RPTOR: variants seen among roughly 807,000 people sequenced by gnomAD.
RPTOR encodes the protein regulatory-associated protein of mTOR.
In RPTOR, 21 loss-of-function variants were observed where a neutral mutation model predicts 169.9. The observed-to-expected ratio is 0.12, with a 90% CI of 0.09 to 0.18. The LOEUF (loss-of-function observed/expected upper bound fraction) is 0.18. RPTOR is among the 10% of genes least tolerant of loss of function. The pLI, the probability that RPTOR is intolerant of heterozygous loss-of-function variation, is 1.00. For synonymous variants in RPTOR, 732 were observed against 753.2 expected (o/e 0.97, Z 0.46); for missense variants, 1,133 against 1,855.9 (o/e 0.61, Z 7.16).
intron 24 of RPTOR, among the ~76,000 whole-genome samples, chr17:80,938,785 G>C (rs1175950566): frequency 6.6e-6 from 1 of 152,188 alleles, no homozygotes; most frequent in Non-Finnish European, 1.5e-5. Context: ...CCACCCATGA[G>C]CACGGGGTCA....
At chr17:80,830,648 G>C (rs1360247134) in intron 9 of RPTOR, among the ~76,000 whole-genome samples, 1 of 152,158 alleles carries the variant, frequency 6.6e-6, no homozygotes, top group Non-Finnish European at 1.5e-5. Flanking sequence ...CAGGTGCGCT[G>C]CTCCAGTGGC....
At chr17:80,741,948 C>G (rs1191669030) in intron 5 of RPTOR, among the ~76,000 whole-genome samples, 2 of 152,146 alleles carry the variant, frequency 1.3e-5, no homozygotes, top group African/African-American at 4.8e-5. Context: ...TCAGGAAAAG[C>G]CTCAGGAAAG....
intron 9 of RPTOR, among the ~76,000 whole-genome samples, chr17:80,828,004 G>A (rs114501419): frequency 0.017 from 2,636 of 152,308 alleles, 78 homozygotes; most frequent in African/African-American, 0.061. Context: ...ACTTAGCGGC[G>A]TACGTGCTGA....
chr17:80,727,489 C>G (rs1567877975), intron 4 of RPTOR, among the ~76,000 whole-genome samples: 1 of 152,036 alleles, frequency 6.6e-6, no homozygotes, highest in African/African-American at 2.4e-5. Flanking sequence ...CGCTGCACCT[C>G]TGACCACATC....
rs567586872 is a variant in RPTOR, at chr17:80,773,984, C to T, written c.831-17466C>T. The T allele has an allele frequency of 2.3e-4, 230 of 985,440 alleles. No homozygotes were observed. The African/African-American group carries it at 3.7e-3, about 16-fold the overall frequency. 61.0% of individuals were successfully genotyped at this position (985,440 alleles called of 1,614,324 possible). A position where few individuals can be genotyped will look rare whatever the true frequency, so the allele number is the denominator to read the frequency against. Reference sequence around the variant, plus strand: ...TGAATCCTGACAAAGGCCCTCTTCTCGGGCTGTCAGAAAGGACGAGGCTGA... The same window carrying T: ...TGAATCCTGACAAAGGCCCTCTTCTTGGGCTGTCAGAAAGGACGAGGCTGA... On this transcript the variant is annotated intron_variant, in intron 6 of 33. Coordinates refer to ENST00000306801, the MANE Select transcript of RPTOR (RefSeq NM_020761.3).
chr17:80,660,445 A>G (rs759199189), intron 3 of RPTOR, among the ~76,000 whole-genome samples: 3 of 152,122 alleles, frequency 2.0e-5, no homozygotes, highest in Non-Finnish European at 4.4e-5. Context: ...TGGATCGTAC[A>G]ACCTTTGGCA....
intron 10 of RPTOR, among the ~76,000 whole-genome samples, chr17:80,841,989 ACT>A (rs1426146916): frequency 6.9e-6 from 1 of 144,754 alleles, no homozygotes; most frequent in Non-Finnish European, 1.5e-5. Flanking sequence ...ACCGCAGCTC[ACT>A]CTCACCCCAC....
chr17:80,867,566 TTC>T (rs2068007010), intron 13 of RPTOR, among the ~76,000 whole-genome samples: 1 of 152,196 alleles, frequency 6.6e-6, no homozygotes, highest in African/African-American at 2.4e-5. Flanking sequence ...GGCATTCAAG[TTC>T]AAAAGGAAGA....
chr17:80,685,199 G>GCACCTCATTCGGAGTCT, intron 3 of RPTOR, among the ~76,000 whole-genome samples: 1 of 151,262 alleles, frequency 6.6e-6, no homozygotes, highest in African/African-American at 2.4e-5. Context: ...ATTCAGGGTC[G>GCACCTCATTCGGAGTCT]CTTGTTGCGT....
At chr17:80,858,214 G>C in intron 13 of RPTOR, 2 of 374,930 alleles carry the variant, frequency 5.3e-6, no homozygotes, top group South Asian at 3.1e-5. Flanking sequence ...TCTGACCCCC[G>C]TAAGGCTGTC....
In RPTOR at chr17:80,947,502, A is replaced by G; in HGVS notation, c.3265+151A>G. ...CTGTCATTCAGAAGTGGGGAGGTTT[A>G]TGAGGGAAAGGGCTTCAGCAGCAGA... is the stretch of plus-strand genomic sequence containing the variant. On this transcript the variant is annotated intron_variant, in intron 27 of 33. Transcript: ENST00000306801. The surrounding 1 kb of genome is among the most constrained non-coding windows in gnomAD (Gnocchi z 4.4). The G allele has an allele frequency of 3.6e-6, 4 of 1,120,532 alleles. No homozygotes were observed. The highest frequency in any genetic ancestry group is 1.2e-6 in the Non-Finnish European group (1 of 857,258). 69.4% of individuals were successfully genotyped at this position (1,120,532 alleles called of 1,614,324 possible).
intron 9 of RPTOR, among the ~76,000 whole-genome samples, chr17:80,828,481 C>T (rs1239340967): frequency 1.3e-5 from 2 of 152,250 alleles, no homozygotes; most frequent in Non-Finnish European, 2.9e-5. Flanking sequence ...GCTTCGATGC[C>T]TGGCCGAGAC....
At position 80,820,340 on chromosome 17, in the gene RPTOR, A is replaced by G. The variant is rs1235146472; in HGVS notation, c.891-1861A>G. Among the ~76,000 whole-genome samples the G allele has an allele frequency of 6.6e-6, 1 of 152,204 alleles. No homozygotes were observed. The highest frequency in any genetic ancestry group is 1.9e-4 in the East Asian group (1 of 5,170). On this transcript the variant is annotated intron_variant, in intron 7 of 33. Coordinates refer to ENST00000306801, the MANE Select transcript of RPTOR (RefSeq NM_020761.3). This position sits in a 1 kb window ranked among gnomAD's most constrained non-coding sequence, Gnocchi z 4.1. Reference sequence around the variant, plus strand: ...TGTGTTTCTCATCTGCAGGTGTGGGACCCAAGACACAAGTGTGTTGGGGCT... The same window carrying G: ...TGTGTTTCTCATCTGCAGGTGTGGGGCCCAAGACACAAGTGTGTTGGGGCT...
intron 5 of RPTOR, among the ~76,000 whole-genome samples, chr17:80,747,781 G>T (rs887143744): frequency 1.8e-4 from 27 of 152,376 alleles, no homozygotes; most frequent in African/African-American, 5.5e-4. Context: ...GAGTTCTCAT[G>T]TGGCTCCTGT....
At position 80,726,324 on chromosome 17, in the gene RPTOR, A is replaced by G. The variant is rs965160556; in HGVS notation, c.508-4236A>G. On this transcript the variant is annotated intron_variant, in intron 4 of 33. Coordinates refer to ENST00000306801, the MANE Select transcript of RPTOR (RefSeq NM_020761.3). This position sits in a 1 kb window ranked among gnomAD's most constrained non-coding sequence, Gnocchi z 4.5. ...TAGGAGGTGGAGATGGTCCAGCCCCAGCAGGACTGGGCCACGAGGACCCTG... is the reference window on the plus strand; with the variant it reads ...TAGGAGGTGGAGATGGTCCAGCCCCGGCAGGACTGGGCCACGAGGACCCTG... Among the ~76,000 whole-genome samples the G allele has an allele frequency of 4.6e-5, 7 of 152,202 alleles. No homozygotes were observed. The highest frequency in any genetic ancestry group is 2.6e-4 in the Admixed American group (4 of 15,284).
chr17:80,930,798 G>A (rs562301874), intron 24 of RPTOR, among the ~76,000 whole-genome samples: 2 of 152,346 alleles, frequency 1.3e-5, no homozygotes, highest in South Asian at 2.1e-4. Flanking sequence ...TCTGGTGCTC[G>A]CAGTCTCCGA....
intron 6 of RPTOR, among the ~76,000 whole-genome samples, chr17:80,758,129 A>G (rs1421693946): frequency 6.6e-6 from 1 of 152,248 alleles, no homozygotes; most frequent in Non-Finnish European, 1.5e-5. Context: ...TTGAGGAGAT[A>G]AGATGTGGCT....
At chr17:80,884,838 A>G (rs1295900620) in intron 16 of RPTOR, among the ~76,000 whole-genome samples, 170 bp from the exon 17 acceptor site, 1 of 151,808 alleles carries the variant, frequency 6.6e-6, no homozygotes, top group East Asian at 1.9e-4. Flanking sequence ...GCTGCTCCCC[A>G]CCTCCTTCCC....
At chr17:80,950,137 T>C (rs569583178) in intron 28 of RPTOR, among the ~76,000 whole-genome samples, 5 of 152,272 alleles carry the variant, frequency 3.3e-5, no homozygotes, top group Non-Finnish European at 7.4e-5. Context: ...GCTCCCGGGG[T>C]CAGGCTTCTG....
Sources: gnomAD v4.1 joint callset for allele counts (sites outside exome capture counted in the v4.1 genomes callset) on GRCh38, gnomAD v4.1.1 for gene constraint, Gnocchi (gnomAD v3.1) non-coding constraint, MANE v1.5 for transcripts, NCBI Gene and HGNC (gene_info 2026-07-23, HGNC 2026-07-21) for gene names.